Variants in CEACAM7 observed in about 807,000 individuals in gnomAD.
CEACAM7 encodes the protein cell adhesion molecule CEACAM7.
In CEACAM7, 24 loss-of-function variants were observed where a neutral mutation model predicts 25.7. The ratio of observed to expected loss-of-function variants is 0.93; its 90% confidence interval spans 0.68 to 1.31. CEACAM7 has a LOEUF of 1.31. Ranked by LOEUF, CEACAM7 falls within the 40% of genes most tolerant of loss-of-function variation. CEACAM7 has a pLI of 0.00. For missense variants in CEACAM7, 324 were observed against 330.1 expected (o/e 0.98, Z 0.14); for synonymous variants, 144 against 129.4 (o/e 1.11, Z -0.77).
intron 1 of CEACAM7, among the ~76,000 whole-genome samples, 183 bp downstream of exon 1, chr19:41,687,919 C>T (rs772565249): frequency 1.3e-5 from 2 of 152,168 alleles, no homozygotes; most frequent in Non-Finnish European, 2.9e-5. Flanking sequence ...ATTTTCTTGA[C>T]CCTTTCCAAT....
rs146812004 is a variant in CEACAM7 at position 41,683,052 on chromosome 19, G to A, written c.706+733C>T. Among the ~76,000 whole-genome samples, 9 of 152,298 alleles carry A rather than the reference G, an allele frequency of 5.9e-5. No homozygotes were observed. In the East Asian group the frequency reaches 1.7e-3, roughly 29 times the overall value. On this transcript the variant is annotated intron_variant, in intron 3 of 4. Coordinates refer to ENST00000401731, the MANE Select transcript of CEACAM7 (RefSeq NM_001291485.2). ...GATCTGCTTGTGCCCATGGGACACA[G>A]GCTGGAAAAGAAAAGTTTTTTCAGC...
intron 1 of CEACAM7, 129 bp downstream of exon 1, chr19:41,687,973 C>G (rs1555811407): frequency 3.3e-6 from 2 of 613,840 alleles, no homozygotes; most frequent in Non-Finnish European, 5.4e-6. Flanking sequence ...CTGTCCCTGT[C>G]TGGTGTCCTC....
In CEACAM7 at chr19:41,677,463, C is replaced by T. The variant is rs147750649; in HGVS notation, c.747G>A (p.Gly249=). ...CTCCAATCATGATGCTGACAGCGGT[C>T]CCAGCTGAGAGGTCAGGTGAACTTG... ...VQASSPDLSA[G]TAVSIMIGVL... Residue 249 remains glycine (G), a synonymous_variant, in exon 4 of 5, where the codon GGG becomes GGA. Coordinates refer to ENST00000401731, the MANE Select transcript of CEACAM7 (RefSeq NM_001291485.2). 213 of 1,614,054 alleles carry T rather than the reference C, an allele frequency of 1.3e-4. No homozygotes were observed. In the African/African-American group the frequency reaches 2.6e-3, roughly 20 times the overall value.
intron 3 of CEACAM7, among the ~76,000 whole-genome samples, chr19:41,683,013 C>G (rs116149848): frequency 0.017 from 2,520 of 152,174 alleles, 45 homozygotes; most frequent in African/African-American, 0.053. Flanking sequence ...GAGGGTTCAG[C>G]GGGGAGAATT....
At chr19:41,680,480 A>G (rs2072163830) in intron 3 of CEACAM7, among the ~76,000 whole-genome samples, 1 of 152,176 alleles carries the variant, frequency 6.6e-6, no homozygotes, top group Admixed American at 6.5e-5. Flanking sequence ...ATGAAGATGG[A>G]GGACTCACAC....
Position 41,683,888 on chromosome 19 carries a change from G to A in CEACAM7, c.603C>T (p.Leu201=), listed in dbSNP as rs199809426. The A allele has an allele frequency of 1.1e-5, 18 of 1,614,162 alleles. No individual in the cohort carries two copies. The Admixed American group carries it at 1.3e-4, about 12-fold the overall frequency. The change falls in exon 3 of 5, where the codon CTC becomes CTT. Residue 201 remains leucine (L), a synonymous_variant. Coordinates refer to ENST00000401731, the MANE Select transcript of CEACAM7 (RefSeq NM_001291485.2). ...CATTCTTTGTGGCGCTGAGTAGAAC[G>A]AGGGTCCTGTTGTCAGTGGAGAGCA... ...RLLLSTDNRT[L]VLLSATKNDI... is the part of the protein sequence containing the mutation.
chr19:41,687,809 G>A (rs1277124222), intron 1 of CEACAM7, among the ~76,000 whole-genome samples: 1 of 152,200 alleles, frequency 6.6e-6, no homozygotes, highest in Non-Finnish European at 1.5e-5. Flanking sequence ...TTATGCCCTG[G>A]TTATGTTTTT....
chr19:41,686,804 G>A, intron 2 of CEACAM7, 55 bp downstream of exon 2: 1 of 1,502,458 alleles, frequency 6.7e-7, no homozygotes, highest in Non-Finnish European at 8.9e-7. Flanking sequence ...ACAACCCCGT[G>A]TGTATGAAGT....
intron 3 of CEACAM7, among the ~76,000 whole-genome samples, chr19:41,680,613 A>G (rs1568686813): frequency 6.6e-6 from 1 of 152,216 alleles, no homozygotes; most frequent in Non-Finnish European, 1.5e-5. Flanking sequence ...TTGCGTTTAT[A>G]GTCAAATTAT....
At chr19:41,683,318 A>G (rs78252386) in intron 3 of CEACAM7, among the ~76,000 whole-genome samples, 3,971 of 152,262 alleles carry the variant, frequency 0.026, 101 homozygotes, top group African/African-American at 0.085. Flanking sequence ...GTTAGAGGCC[A>G]CATGGATGAA....
At chr19:41,684,392 G>A (rs1555811024) in intron 2 of CEACAM7, among the ~76,000 whole-genome samples, 1 of 152,182 alleles carries the variant, frequency 6.6e-6, no homozygotes, top group African/African-American at 2.4e-5. Context: ...GCCCTTTGGG[G>A]TCCTCACCTC....
intron 3 of CEACAM7, among the ~76,000 whole-genome samples, chr19:41,682,592 T>C (rs2072186044): frequency 6.6e-6 from 1 of 152,102 alleles, no homozygotes; most frequent in Non-Finnish European, 1.5e-5. Flanking sequence ...TCAGGACAGG[T>C]CGCCCAAGCA....
chr19:41,679,944 G>A (rs1446726460), intron 3 of CEACAM7, among the ~76,000 whole-genome samples: 1 of 143,876 alleles, frequency 7.0e-6, no homozygotes, highest in Non-Finnish European at 1.5e-5. Flanking sequence ...TGAAATTACA[G>A]GCGTGTGCCA....
intron 3 of CEACAM7, among the ~76,000 whole-genome samples, chr19:41,679,884 C>T (rs2072156019): frequency 6.8e-6 from 1 of 147,470 alleles, no homozygotes; most frequent in Admixed American, 6.9e-5. Flanking sequence ...TCACTGCAAC[C>T]TCTGCCTCCC....
chr19:41,685,469 G>A (rs1259091775), intron 2 of CEACAM7, among the ~76,000 whole-genome samples: 2 of 152,130 alleles, frequency 1.3e-5, no homozygotes, highest in Non-Finnish European at 2.9e-5. Context: ...GGAGGGACAG[G>A]GAACAGGTGC....
At position 41,680,043 on chromosome 19, in the gene CEACAM7, C is replaced by A. The variant is rs560296898; in HGVS notation, c.707-2540G>T. On this transcript the variant is annotated intron_variant, in intron 3 of 4. Transcript: ENST00000401731. ...CCATATTGGTCAGGCTGGTCTCGAA[C>A]TTGTGACCCCAAATGATCTGACCAC... Among the ~76,000 whole-genome samples, 3 of 129,204 alleles carry A rather than the reference C, an allele frequency of 2.3e-5. No homozygotes were observed. The South Asian group carries it at 7.9e-4, about 34-fold the overall frequency. 84.8% of individuals were successfully genotyped at this position (129,204 alleles called of 152,430 possible). A position where few individuals can be genotyped will look rare whatever the true frequency, so the allele number is the denominator to read the frequency against.
At chr19:41,680,070 T>C (rs1262155782) in intron 3 of CEACAM7, among the ~76,000 whole-genome samples, 13 of 141,576 alleles carry the variant, frequency 9.2e-5, no homozygotes, top group African/African-American at 3.4e-4. Context: ...TCTGACCACC[T>C]CAGCCTCCCA....
intron 3 of CEACAM7, among the ~76,000 whole-genome samples, chr19:41,677,737 A>G (rs2072130215): frequency 6.6e-6 from 1 of 151,852 alleles, no homozygotes; most frequent in Admixed American, 6.6e-5. Context: ...ACCTTTTTAC[A>G]CTCAGATATT....
chr19:41,677,562 C>A, intron 3 of CEACAM7, 59 bp from the exon 4 acceptor site: 1 of 1,217,132 alleles, frequency 8.2e-7, no homozygotes, highest in Non-Finnish European at 1.2e-6. Context: ...GGAAGTCCCC[C>A]AGGAACCAAC....
Sources: gnomAD v4.1 joint callset for allele counts (sites outside exome capture counted in the v4.1 genomes callset) on GRCh38, gnomAD v4.1.1 for gene constraint, MANE v1.5 for transcripts, NCBI Gene and HGNC (gene_info 2026-07-23, HGNC 2026-07-21) for gene names.